The following ADAMTS14 variants were observed in gnomAD, a reference collection of about 807,000 sequenced individuals.
ADAMTS14 encodes the protein A disintegrin and metalloproteinase with thrombospondin motifs 14.
ADAMTS14 carries 100 observed loss-of-function variants against 128.6 expected under a neutral mutation model. That is an observed-to-expected ratio of 0.78 (90% CI 0.66 to 0.92). The LOEUF (loss-of-function observed/expected upper bound fraction) is 0.92, where lower values mean the gene tolerates loss of function less well. Ranked by LOEUF, ADAMTS14 falls within the 40% of genes least tolerant of loss-of-function variation. ADAMTS14 has a pLI of 0.00. For synonymous variants in ADAMTS14, 665 were observed against 653.8 expected, an observed-to-expected ratio of 1.02 and a Z score of -0.26; for missense variants, 1,562 against 1,658.6, an observed-to-expected ratio of 0.94 and a Z score of 1.01.
In ADAMTS14 at chr10:70,721,757, C is replaced by T. The variant is rs182233993; in HGVS notation, c.871-7537C>T. On this transcript the variant is annotated intron_variant, in intron 4 of 21. Coordinates refer to ENST00000373207, the MANE Select transcript of ADAMTS14 (RefSeq NM_080722.4). ...AGGTGAAGAGTTCCCCTAACTTCTTCACATTCAGAGCAGTGCCCTTGCATG... is the reference window on the plus strand; with the variant it reads ...AGGTGAAGAGTTCCCCTAACTTCTTTACATTCAGAGCAGTGCCCTTGCATG... Among the ~76,000 whole-genome samples, 7 of 152,388 alleles carry T rather than the reference C, an allele frequency of 4.6e-5. No homozygotes were observed. The East Asian group carries it at 5.8e-4, about 13-fold the overall frequency.
At chr10:70,700,577 A>T (rs759261625) in intron 2 of ADAMTS14, among the ~76,000 whole-genome samples, 2 of 152,022 alleles carry the variant, frequency 1.3e-5, no homozygotes, top group Non-Finnish European at 2.9e-5. Context: ...TGGTGGCAAG[A>T]GTGTTGGGCC....
intron 2 of ADAMTS14, 38 bp from the exon 3 acceptor site, chr10:70,702,274 A>G (rs1171317258): frequency 2.5e-6 from 4 of 1,613,164 alleles, no homozygotes; most frequent in Admixed American, 3.3e-5. Context: ...CATGCCTCTT[A>G]TTTCTCTCTT....
intron 3 of ADAMTS14, 61 bp downstream of exon 3, chr10:70,702,529 T>G: frequency 6.5e-7 from 1 of 1,540,382 alleles, no homozygotes. Context: ...TGTTTCCCGG[T>G]CACTTCTGTC....
At chr10:70,677,688 C>A (rs1839687303) in intron 2 of ADAMTS14, among the ~76,000 whole-genome samples, 1 of 152,172 alleles carries the variant, frequency 6.6e-6, no homozygotes, top group Non-Finnish European at 1.5e-5. Flanking sequence ...TATCTGGACG[C>A]CTCCCCTCCA....
chr10:70,754,519 G>A lies in ADAMTS14; in HGVS notation c.2937+512G>A, dbSNP rs149409213. Among the ~76,000 whole-genome samples the A allele has an allele frequency of 3.7e-3, 556 of 152,262 alleles. 6 individuals carry two copies. The highest frequency in any genetic ancestry group is 0.012 in the African/African-American group (519 of 41,530). On this transcript the variant is annotated intron_variant, in intron 19 of 21. Coordinates refer to ENST00000373207, the MANE Select transcript of ADAMTS14 (RefSeq NM_080722.4). ...TGGAGGGCGGTCAGAGGGCTTCTCT[G>A]AGGAGGTGTTGCTCAAGCTGAGACC...
intron 14 of ADAMTS14, among the ~76,000 whole-genome samples, chr10:70,744,921 C>T (rs1842129550): frequency 6.6e-6 from 1 of 151,436 alleles, no homozygotes; most frequent in East Asian, 2.0e-4. Context: ...GTCAGAGGAG[C>T]AAAAAGGGAC....
intron 4 of ADAMTS14, among the ~76,000 whole-genome samples, chr10:70,721,486 C>T (rs772592339): frequency 3.3e-4 from 49 of 150,680 alleles, no homozygotes; most frequent in East Asian, 1.2e-3. Context: ...CCCAGGTTCA[C>T]GCCATTCTCC....
In ADAMTS14 at chr10:70,718,676, G is replaced by A. The variant is rs540017721; in HGVS notation, c.870+9898G>A. ...GCTGGGATTACAGGTGTGAGCCAGG[G>A]TGCCCAGCCTTTTTTTTTTTTTAAA... On this transcript the variant is annotated intron_variant, in intron 4 of 21. Coordinates refer to ENST00000373207, the MANE Select transcript of ADAMTS14 (RefSeq NM_080722.4). 3.6e-4 allele frequency among the ~76,000 whole-genome samples: 53 copies of A among 147,080 alleles called. No homozygotes were observed. In the East Asian group the frequency reaches 0.011, roughly 30 times the overall value.
intron 15 of ADAMTS14, 60 bp downstream of exon 15, chr10:70,745,366 G>A (rs1408605337): frequency 1.3e-6 from 2 of 1,562,496 alleles, no homozygotes; most frequent in Non-Finnish European, 1.8e-6. Context: ...TCTGACTTGG[G>A]GGAGCTGGGA....
chr10:70,742,569 T>G (rs2132709941), intron 12 of ADAMTS14, among the ~76,000 whole-genome samples: 1 of 152,074 alleles, frequency 6.6e-6, no homozygotes, highest in South Asian at 2.1e-4. Context: ...AGCCCAAGAG[T>G]TTCCTTAGTA....
In ADAMTS14 at chr10:70,733,885, G is replaced by C; in HGVS notation, c.1209G>C (p.Val403=). 2 of 1,611,148 alleles carry C rather than the reference G, an allele frequency of 1.2e-6. No individual in the cohort carries two copies. The part of the protein sequence containing the change: ...AFVIAHETGH[V]LGMEHDGQGN... Reference sequence around the variant, plus strand: ...GACTCCTCTGTCTTCCCCATTCCAGGCTCGGCATGGAGCATGACGGTCAGG... The same window carrying C: ...GACTCCTCTGTCTTCCCCATTCCAGCCTCGGCATGGAGCATGACGGTCAGG... Residue 403 remains valine, a splice_region_variant and synonymous_variant, in exon 8 of 22, where the codon GTG becomes GTC. Coordinates refer to ENST00000373207, the MANE Select transcript of ADAMTS14 (RefSeq NM_080722.4).
intron 3 of ADAMTS14, among the ~76,000 whole-genome samples, chr10:70,705,570 C>T (rs966474693): frequency 7.9e-5 from 12 of 152,254 alleles, no homozygotes; most frequent in African/African-American, 2.4e-4. Context: ...AGAAGATTCC[C>T]ATCCGTTAGT....
chr10:70,730,089 C>T lies in ADAMTS14; in HGVS notation c.955-13C>T, dbSNP rs1481385693. On this transcript the variant is annotated splice_polypyrimidine_tract_variant and intron_variant, in intron 5 of 21. Coordinates refer to ENST00000373207, the MANE Select transcript of ADAMTS14 (RefSeq NM_080722.4). ...CCTCCACGTGGCTGTTGGTGCTCTC[C>T]CGGCCCCTGCAGTCCCTGAGCCTGA... 7 of 1,583,174 alleles carry T rather than the reference C, an allele frequency of 4.4e-6. No individual in the cohort carries two copies. Among genetic ancestry groups the T allele is most frequent in the African/African-American group, 2.7e-5 (2 of 74,578 alleles).
intron 4 of ADAMTS14, among the ~76,000 whole-genome samples, chr10:70,714,698 A>G (rs1394229638): frequency 5.9e-5 from 9 of 152,170 alleles, no homozygotes; most frequent in Admixed American, 5.9e-4. Context: ...CATGTAATCC[A>G]GTACTTTGGG....
chr10:70,709,163 G>A (rs969078665), intron 4 of ADAMTS14, among the ~76,000 whole-genome samples: 3 of 152,294 alleles, frequency 2.0e-5, no homozygotes, highest in East Asian at 1.9e-4. Flanking sequence ...ACTCTTCTGG[G>A]ACTCATCATC....
intron 4 of ADAMTS14, among the ~76,000 whole-genome samples, chr10:70,727,067 C>G (rs1841457685): frequency 6.6e-6 from 1 of 152,218 alleles, no homozygotes; most frequent in South Asian, 2.1e-4. Context: ...TGGCTGAAGC[C>G]TGACACCGGC....
chr10:70,677,068 C>T (rs1450750953), intron 2 of ADAMTS14, among the ~76,000 whole-genome samples: 1 of 152,172 alleles, frequency 6.6e-6, no homozygotes, highest in African/African-American at 2.4e-5. Flanking sequence ...ATCCTGAAAA[C>T]CTCCCTTGTC....
intron 15 of ADAMTS14, among the ~76,000 whole-genome samples, chr10:70,749,134 T>C (rs1419278745): frequency 6.6e-6 from 1 of 152,218 alleles, no homozygotes; most frequent in Non-Finnish European, 1.5e-5. Context: ...GTGTGGCATC[T>C]GCAATCACAG....
rs780018224 is a variant in ADAMTS14 at position 70,745,302 on chromosome 10, C to T, written c.2259C>T (p.Arg753=). 6.2e-6 allele frequency: 10 copies of T among 1,612,532 alleles called. No individual in the cohort carries two copies. Among genetic ancestry groups the T allele is most frequent in the Non-Finnish European group, 8.5e-6 (10 of 1,179,992 alleles). ...QIEALEKSPH[R]IVVKNQVTGS... ...AGGCACTGGAGAAGTCCCCCCACCG[C>T]ATTGGTGAGTGCTGGGGTGCTGGGA... is the stretch of plus-strand genomic sequence containing the variant. The change falls in exon 15 of 22, where the codon CGC becomes CGT. Residue 753 remains arginine, a synonymous_variant. Transcript: ENST00000373207.
Sources: allele counts gnomAD v4.1 joint callset (sites outside exome capture counted in the v4.1 genomes callset), GRCh38; gene constraint gnomAD v4.1.1; transcripts MANE v1.5; gene names NCBI Gene and HGNC (gene_info 2026-07-23, HGNC 2026-07-21).